The following KIAA2012 variants were observed in gnomAD, a reference collection of about 807,000 sequenced individuals.
The protein encoded by KIAA2012 is KIAA2012, also known as uncharacterized protein KIAA2012.
In KIAA2012, 125 loss-of-function variants were observed where a neutral mutation model predicts 150.6. The ratio of observed to expected loss-of-function variants is 0.83; its 90% confidence interval spans 0.72 to 0.96. The LOEUF is 0.96. KIAA2012 is among the 40% of genes least tolerant of loss of function. The probability of loss-of-function intolerance (pLI) is 0.00; values close to 1 mark genes in which losing one functional copy is unlikely to be tolerated. For missense variants in KIAA2012, 1,219 were observed against 1,354.9 expected, an observed-to-expected ratio of 0.90 and a Z score of 1.57; for synonymous variants, 462 against 504.7, an observed-to-expected ratio of 0.92 and a Z score of 1.13.
intron 22 of KIAA2012, among the ~76,000 whole-genome samples, 186 bp from the exon 23 acceptor site, chr2:202,202,243 A>G (rs1438104243): frequency 6.6e-6 from 1 of 152,196 alleles, no homozygotes; most frequent in South Asian, 2.1e-4. Context: ...TAGGAGGCTC[A>G]TGGTACTCCA....
At chr2:202,204,139 C>T (rs1369397638) in intron 23 of KIAA2012, among the ~76,000 whole-genome samples, 1 of 150,506 alleles carries the variant, frequency 6.6e-6, no homozygotes. Flanking sequence ...TGCAGTGGCG[C>T]CATCACAGCT....
At chr2:202,113,570 T>C in intron 11 of KIAA2012, 124 bp downstream of exon 11, 2 of 636,390 alleles carry the variant, frequency 3.1e-6, no homozygotes, top group South Asian at 2.0e-5. Context: ...TCAGCCAGTT[T>C]CTCCCCTTTC....
Position 202,100,459 on chromosome 2 carries a change from A to G in KIAA2012, c.1155+10A>G. 2 of 1,547,684 alleles carry G rather than the reference A, an allele frequency of 1.3e-6. No homozygotes were observed. The highest frequency in any genetic ancestry group is 1.7e-6 in the Non-Finnish European group (2 of 1,144,836). ...AGTGAAGAAGAAAAAGGTTGTGTGT[A>G]TATGTATGTTTGTGCATACAGGAGA... On this transcript the variant is annotated intron_variant, in intron 7 of 23. Transcript: ENST00000498697.
chr2:202,161,428 T>G (rs1381655297), intron 14 of KIAA2012, among the ~76,000 whole-genome samples: 1 of 152,178 alleles, frequency 6.6e-6, no homozygotes, highest in Non-Finnish European at 1.5e-5. Flanking sequence ...GATGTATTTA[T>G]TTTACAAATA....
At position 202,196,888 on chromosome 2, in the gene KIAA2012, G is replaced by A. The variant is rs941933035; in HGVS notation, c.3276G>A (p.Leu1092=). ...TGGAAATGGCTGAAGAGGAACGACTGGAGTACCAGCGGCGGAAACAGGAAG... is the reference window on the plus strand; with the variant it reads ...TGGAAATGGCTGAAGAGGAACGACTAGAGTACCAGCGGCGGAAACAGGAAG... The part of the protein sequence containing the change: ...HLMEMAEEER[L]EYQRRKQEAE... The change falls in exon 22 of 24, where the codon CTG becomes CTA. Residue 1092 remains leucine, a synonymous_variant. Transcript: ENST00000498697. The A allele has an allele frequency of 2.6e-6, 4 of 1,550,720 alleles. No homozygotes were observed. The highest frequency in any genetic ancestry group is 3.5e-6 in the Non-Finnish European group (4 of 1,146,974).
intron 11 of KIAA2012, among the ~76,000 whole-genome samples, chr2:202,119,696 T>A (rs1690613853): frequency 6.6e-6 from 1 of 152,088 alleles, no homozygotes; most frequent in South Asian, 2.1e-4. Context: ...CCACTAGAGC[T>A]ATGTGACAAT....
At chr2:202,136,080 T>TGAA (rs1293709731) in intron 12 of KIAA2012, 1 of 402,456 alleles carries the variant, frequency 2.5e-6, no homozygotes, top group Non-Finnish European at 5.0e-6. Flanking sequence ...ACTTCAAGAA[T>TGAA]GAAGCCGCAG....
chr2:202,161,808 C>G (rs1208045568), intron 14 of KIAA2012, among the ~76,000 whole-genome samples: 1 of 152,094 alleles, frequency 6.6e-6, no homozygotes, highest in Non-Finnish European at 1.5e-5. Context: ...ATCTCGGTAC[C>G]TGGCACACAG....
chr2:202,177,087 A>T (rs1692006304), intron 15 of KIAA2012, among the ~76,000 whole-genome samples: 1 of 152,214 alleles, frequency 6.6e-6, no homozygotes, highest in Non-Finnish European at 1.5e-5. Flanking sequence ...ATATTTATAC[A>T]ACGGAATACT....
intron 17 of KIAA2012, 68 bp from the exon 18 acceptor site, chr2:202,188,084 T>A: frequency 7.7e-7 from 1 of 1,293,410 alleles, no homozygotes; most frequent in Non-Finnish European, 1.1e-6. Flanking sequence ...TTCAACATAA[T>A]CTTCTTTGAT....
intron 11 of KIAA2012, among the ~76,000 whole-genome samples, chr2:202,121,908 T>C (rs1400794378): frequency 2.0e-5 from 3 of 152,086 alleles, no homozygotes; most frequent in Non-Finnish European, 2.9e-5. Context: ...CCTAGGAGGT[T>C]GGGAAGGGCT....
Position 202,194,286 on chromosome 2 carries a change from G to C in KIAA2012, c.3111G>C (p.Arg1037=). Reference sequence around the variant, plus strand: ...TGAAAGCAGCCCAGGAGAGAGCCCGGCAACAGCAAGAGGAGTTTCGGAGGA... The same window carrying C: ...TGAAAGCAGCCCAGGAGAGAGCCCGCCAACAGCAAGAGGAGTTTCGGAGGA... ...LRLKAAQERA[R]QQQEEFRRKL... is the part of the protein sequence containing the mutation. The change falls in exon 21 of 24, where the codon CGG becomes CGC. Residue 1037 remains arginine, a synonymous_variant. Coordinates refer to ENST00000498697, the MANE Select transcript of KIAA2012 (RefSeq NM_001277372.4). 6 of 1,550,612 alleles carry C rather than the reference G, an allele frequency of 3.9e-6. No individual in the cohort carries two copies. Among genetic ancestry groups the C allele is most frequent in the Non-Finnish European group, 5.2e-6 (6 of 1,147,004 alleles).
chr2:202,184,011 A>G (rs987694800), intron 15 of KIAA2012, among the ~76,000 whole-genome samples: 1 of 152,108 alleles, frequency 6.6e-6, no homozygotes, highest in African/African-American at 2.4e-5. Flanking sequence ...CTTTTTAACC[A>G]TAATTTTAAA....
intron 23 of KIAA2012, among the ~76,000 whole-genome samples, chr2:202,202,931 GAAAA>G (rs34202403): frequency 4.0e-5 from 5 of 126,038 alleles, no homozygotes; most frequent in African/African-American, 1.2e-4. Flanking sequence ...TGTCTCTTAA[GAAAA>G]AAAAAAAAAA....
At chr2:202,152,863 G>A (rs1377021632) in intron 13 of KIAA2012, among the ~76,000 whole-genome samples, 1 of 152,184 alleles carries the variant, frequency 6.6e-6, no homozygotes, top group Non-Finnish European at 1.5e-5. Context: ...TAAATGTTAT[G>A]GGAGGGAGAG....
At chr2:202,144,433 G>T (rs7583099) in intron 13 of KIAA2012, among the ~76,000 whole-genome samples, 287 of 152,032 alleles carry the variant, frequency 1.9e-3, no homozygotes, top group African/African-American at 6.7e-3. Flanking sequence ...TGTGTTTACC[G>T]CCATCTGTTT....
At chr2:202,147,352 G>A (rs1273269020) in intron 13 of KIAA2012, among the ~76,000 whole-genome samples, 1 of 152,192 alleles carries the variant, frequency 6.6e-6, no homozygotes, top group Non-Finnish European at 1.5e-5. Flanking sequence ...CACAGCTGAA[G>A]GTCTAGGGGC....
At position 202,097,584 on chromosome 2, in the gene KIAA2012, T is replaced by C. The variant is rs1689923463; in HGVS notation, c.828+7T>C. ...AGATGAAACGCAGGCAGAGGTACCA[T>C]TTCTTTTTTTTTTTTTTTTCCCCGA... On this transcript the variant is annotated splice_region_variant and intron_variant, in intron 5 of 23. Transcript: ENST00000498697. The C allele has an allele frequency of 6.7e-7, 1 of 1,502,466 alleles. No homozygotes were observed. The highest frequency in any genetic ancestry group is 2.5e-5 in the East Asian group (1 of 40,610). 93.1% of individuals were successfully genotyped at this position (1,502,466 alleles called of 1,614,324 possible).
intron 15 of KIAA2012, among the ~76,000 whole-genome samples, chr2:202,183,462 G>T: frequency 7.3e-6 from 1 of 136,520 alleles, no homozygotes. Context: ...GGGGGTTTTT[G>T]GGGGGTTTTT....
Sources: allele counts gnomAD v4.1 joint callset (sites outside exome capture counted in the v4.1 genomes callset), GRCh38; gene constraint gnomAD v4.1.1; transcripts MANE v1.5; gene names NCBI Gene and HGNC (gene_info 2026-07-23, HGNC 2026-07-21).